NPAS2: variants seen among roughly 807,000 people sequenced by gnomAD.
NPAS2 encodes the protein neuronal PAS domain protein 2.
In NPAS2, 23 loss-of-function variants were observed where a neutral mutation model predicts 107.5. That is an observed-to-expected ratio of 0.21 (90% CI 0.15 to 0.30). The LOEUF (loss-of-function observed/expected upper bound fraction) is 0.30, where lower values mean the gene tolerates loss of function less well. NPAS2 is among the 10% of genes least tolerant of loss of function. NPAS2 has a pLI of 1.00. For missense variants in NPAS2, 756 were observed against 1,043.3 expected, an observed-to-expected ratio of 0.72 and a Z score of 3.79; for synonymous variants, 403 against 417.5, an observed-to-expected ratio of 0.97 and a Z score of 0.42.
At chr2:100,895,391 T>C (rs1681344087) in intron 1 of NPAS2, among the ~76,000 whole-genome samples, 1 of 152,224 alleles carries the variant, frequency 6.6e-6, no homozygotes, top group African/African-American at 2.4e-5. Flanking sequence ...GAGCTAGGGC[T>C]GGGAGCATCA....
At chr2:100,886,708 A>T (rs1680721857) in intron 1 of NPAS2, among the ~76,000 whole-genome samples, 2 of 152,210 alleles carry the variant, frequency 1.3e-5, no homozygotes, top group Non-Finnish European at 2.9e-5. Flanking sequence ...GTTATGCGAG[A>T]GTCCTTGCCT....
intron 4 of NPAS2, 53 bp from the exon 5 acceptor site, chr2:100,937,700 G>C (rs1684416898): frequency 2.4e-6 from 3 of 1,244,174 alleles, no homozygotes. Flanking sequence ...TCAGTGACAT[G>C]CTCCTCCATA....
intron 1 of NPAS2, among the ~76,000 whole-genome samples, chr2:100,857,272 T>G: frequency 7.4e-6 from 1 of 135,312 alleles, no homozygotes; most frequent in Non-Finnish European, 1.5e-5. Context: ...CACTCCAGCC[T>G]GGGCGACAAG....
intron 5 of NPAS2, among the ~76,000 whole-genome samples, chr2:100,943,814 G>A (rs964046935): frequency 1.3e-5 from 2 of 152,202 alleles, no homozygotes; most frequent in Non-Finnish European, 2.9e-5. Flanking sequence ...GTGTGGGGAG[G>A]GAACCTGCAG....
rs982200468 is a variant in NPAS2 at position 100,988,470 on chromosome 2, A to G, written c.1827+194A>G. 3 of 582,594 alleles carry G rather than the reference A, an allele frequency of 5.1e-6. No individual in the cohort carries two copies. In the South Asian group the frequency reaches 6.5e-5, roughly 13 times the overall value. 36.1% of individuals were successfully genotyped at this position (582,594 alleles called of 1,614,324 possible). On this transcript the variant is annotated intron_variant, in intron 17 of 20. Coordinates refer to ENST00000335681, the MANE Select transcript of NPAS2 (RefSeq NM_002518.4). ...AAGTCACTTTGAAACCCCAAGTTGTATTGGCTTCCTTCTGTGTTTTATAAA... is the reference window on the plus strand; with the variant it reads ...AAGTCACTTTGAAACCCCAAGTTGTGTTGGCTTCCTTCTGTGTTTTATAAA...
At chr2:100,995,197 C>CATTAAA in intron 20 of NPAS2, 14 of 485,020 alleles carry the variant, frequency 2.9e-5, no homozygotes, top group Admixed American at 7.4e-5. Flanking sequence ...AACTTAGCTT[C>CATTAAA]AGAATTCACC....
chr2:100,847,489 C>A (rs1332443553), intron 1 of NPAS2, among the ~76,000 whole-genome samples: 1 of 152,122 alleles, frequency 6.6e-6, no homozygotes, highest in East Asian at 1.9e-4. Context: ...CCTGCCTCAG[C>A]CTCCGGAGTA....
chr2:100,930,547 C>G (rs1683869278), intron 3 of NPAS2, among the ~76,000 whole-genome samples: 1 of 152,102 alleles, frequency 6.6e-6, no homozygotes, highest in South Asian at 2.1e-4. Flanking sequence ...ATTTGGAAAC[C>G]ACTTTTACCA....
At chr2:100,984,187 T>A (rs1017456268) in intron 16 of NPAS2, 4 of 152,222 alleles carry the variant, frequency 2.6e-5, no homozygotes, top group Non-Finnish European at 4.4e-5. Context: ...ATCTTTGCAG[T>A]GGAATTTTCC....
chr2:100,847,612 C>T (rs1401490555), intron 1 of NPAS2, among the ~76,000 whole-genome samples: 2 of 152,136 alleles, frequency 1.3e-5, no homozygotes, highest in African/African-American at 2.4e-5. Context: ...CCTCGTGATC[C>T]GCCCACCTTG....
intron 2 of NPAS2, among the ~76,000 whole-genome samples, chr2:100,918,154 T>C (rs1459503785): frequency 6.6e-6 from 1 of 151,942 alleles, no homozygotes; most frequent in Non-Finnish European, 1.5e-5. Flanking sequence ...TAATCCGTTA[T>C]GTTATGAAGT....
At chr2:100,939,863 T>C (rs1182274276) in intron 5 of NPAS2, among the ~76,000 whole-genome samples, 1 of 152,174 alleles carries the variant, frequency 6.6e-6, no homozygotes, top group Non-Finnish European at 1.5e-5. Flanking sequence ...CTTTCATAAA[T>C]TATTTTCTAA....
intron 1 of NPAS2, among the ~76,000 whole-genome samples, chr2:100,857,167 G>A (rs1330078992): frequency 9.9e-5 from 15 of 152,062 alleles, no homozygotes; most frequent in Admixed American, 8.5e-4. Context: ...TTAGCCAGGC[G>A]GGCGCCTATA....
At chr2:100,833,420 G>T (rs1676866568) in intron 1 of NPAS2, among the ~76,000 whole-genome samples, 1 of 152,214 alleles carries the variant, frequency 6.6e-6, no homozygotes, top group Admixed American at 6.5e-5. Flanking sequence ...ACCCAGCTGG[G>T]TAAATGCCAG....
chr2:100,899,894 C>T lies in NPAS2; in HGVS notation c.-22-4839C>T, dbSNP rs190439359. On this transcript the variant is annotated intron_variant, in intron 1 of 20. Transcript: ENST00000335681. ...TCTGGAGGGATGTCCATATTGGGGG[C>T]GTGGTGGGGGTGGTGGTGAATAATG... 4.5e-3 allele frequency among the ~76,000 whole-genome samples: 689 copies of T among 152,076 alleles called. 4 individuals carry two copies. The highest frequency in any genetic ancestry group is 0.016 in the African/African-American group (665 of 41,480).
chr2:100,828,307 C>G (rs1676514888), intron 1 of NPAS2, among the ~76,000 whole-genome samples: 1 of 151,924 alleles, frequency 6.6e-6, no homozygotes, highest in Admixed American at 6.6e-5. Context: ...GGATATTAGA[C>G]CTTTGTTGAA....
intron 7 of NPAS2, among the ~76,000 whole-genome samples, chr2:100,960,758 G>C (rs550706966): frequency 6.6e-6 from 1 of 152,072 alleles, no homozygotes; most frequent in Non-Finnish European, 1.5e-5. Flanking sequence ...GGGTCCCAAG[G>C]TCTGTGTGCT....
chr2:100,839,366 T>G (rs951439881), intron 1 of NPAS2, among the ~76,000 whole-genome samples: 1 of 152,092 alleles, frequency 6.6e-6, no homozygotes, highest in Admixed American at 6.6e-5. Context: ...TGACCTCAGG[T>G]GATCCACCTG....
chr2:100,929,834 T>A (rs1310704729), intron 3 of NPAS2, among the ~76,000 whole-genome samples: 4 of 152,176 alleles, frequency 2.6e-5, no homozygotes, highest in African/African-American at 9.7e-5. Context: ...CTTCCTGCCG[T>A]CATGCTAAAG....
Sources: allele counts gnomAD v4.1 joint callset (sites outside exome capture counted in the v4.1 genomes callset), GRCh38; gene constraint gnomAD v4.1.1; transcripts MANE v1.5; gene names NCBI Gene and HGNC (gene_info 2026-07-23, HGNC 2026-07-21).